Variants in NTNG2 observed in about 807,000 individuals in gnomAD.
NTNG2 encodes netrin-G2.
In NTNG2, 15 loss-of-function variants were observed where a neutral mutation model predicts 47.6. The ratio of observed to expected loss-of-function variants is 0.32; its 90% confidence interval spans 0.21 to 0.49. NTNG2 has a LOEUF of 0.49. Among genes scored for constraint, NTNG2 ranks in the 20% least tolerant of loss-of-function variants. NTNG2 has a pLI of 0.99. For missense variants in NTNG2, 578 were observed against 764.6 expected, an observed-to-expected ratio of 0.76 and a Z score of 2.88; for synonymous variants, 307 against 324.6, an observed-to-expected ratio of 0.95 and a Z score of 0.58.
rs951900784 is a variant in NTNG2, at chr9:132,226,310, C to T, written c.858-539C>T. On this transcript the variant is annotated intron_variant, in intron 3 of 7. Transcript: ENST00000393229. This position sits in a 1 kb window ranked among gnomAD's most constrained non-coding sequence, Gnocchi z 4.8. ...AATAATACACCTGTGAATGAACTGA[C>T]GGGGGTGTGGGAGTTGGGGGTTCTA... 6.6e-6 allele frequency among the ~76,000 whole-genome samples: 1 copy of T among 152,086 alleles called. No individual in the cohort carries two copies. Among genetic ancestry groups the T allele is most frequent in the African/African-American group, 2.4e-5 (1 of 41,398 alleles).
rs190911451 is a variant in NTNG2, at chr9:132,176,924, T to C, written c.213+9880T>C. On this transcript the variant is annotated intron_variant, in intron 2 of 7. Transcript: ENST00000393229. ...TGTGGGGCAGTATCCCATTATGGTC[T>C]TGATTTGCATTTCCCCGATAGCTAA... Among the ~76,000 whole-genome samples the C allele has an allele frequency of 4.6e-3, 699 of 152,358 alleles. 5 individuals are homozygous for C. The highest frequency in any genetic ancestry group is 7.1e-3 in the Non-Finnish European group (483 of 68,032).
intron 2 of NTNG2, among the ~76,000 whole-genome samples, chr9:132,195,128 T>G (rs1838182278): frequency 6.6e-6 from 1 of 152,222 alleles, no homozygotes; most frequent in African/African-American, 2.4e-5. Context: ...TTTCATTCAT[T>G]AATAGACTTT....
chr9:132,226,957 T>C lies in NTNG2; in HGVS notation c.966T>C (p.Asn322=). Residue 322 remains asparagine, a synonymous_variant, in exon 4 of 8, where the codon AAT becomes AAC. Transcript: ENST00000393229. The surrounding 1 kb of genome is among the most constrained non-coding windows in gnomAD (Gnocchi z 4.8). ...CCGACTGCGGCAAGTGCAAGAAGAATTTCCGCACCCGGTCCTGGCGGGCCG... is the reference window on the plus strand; with the variant it reads ...CCGACTGCGGCAAGTGCAAGAAGAACTTCCGCACCCGGTCCTGGCGGGCCG... ...TGPDCGKCKK[N]FRTRSWRAGS... is the part of the protein sequence containing the mutation. 7 of 1,612,294 alleles carry C rather than the reference T, an allele frequency of 4.3e-6. No homozygotes were observed. The highest frequency in any genetic ancestry group is 5.9e-6 in the Non-Finnish European group (7 of 1,179,698).
In NTNG2 at chr9:132,181,168, C is replaced by G. The variant is rs147571018; in HGVS notation, c.213+14124C>G. 1.4e-4 allele frequency among the ~76,000 whole-genome samples: 22 copies of G among 152,200 alleles called. 1 individual carries two copies. The highest frequency in any genetic ancestry group is 1.4e-3 in the Admixed American group (21 of 15,298). ...AAGCAGTCTTGGCTCACTGCAGCCTCGACCTCCTGGGCTCCAGTGATCCTC... is the reference window on the plus strand; with the variant it reads ...AAGCAGTCTTGGCTCACTGCAGCCTGGACCTCCTGGGCTCCAGTGATCCTC... On this transcript the variant is annotated intron_variant, in intron 2 of 7. Transcript: ENST00000393229.
Position 132,242,041 on chromosome 9 carries a change from C to T in NTNG2, c.1523C>T (p.Ala508Val). The change falls in exon 8 of 8, where the codon GCC becomes GTC. Residue 508 changes from alanine to valine, a missense_variant. Transcript: ENST00000393229. The surrounding 1 kb of genome is among the most constrained non-coding windows in gnomAD (Gnocchi z 5.9). ...CTGGACTGCGACCGCGCGCCCGGGG[C>T]CGCCCCGCGCCCCGCCACCCTGCTC... is the stretch of plus-strand genomic sequence containing the variant. Reference protein sequence around the residue: ...GGLDCDRAPGAAPRPATLLGC... With the variant: ...GGLDCDRAPGVAPRPATLLGC... 1 of 1,279,472 alleles carries T rather than the reference C, an allele frequency of 7.8e-7. No homozygotes were observed. Among genetic ancestry groups the T allele is most frequent in the Non-Finnish European group, 9.8e-7 (1 of 1,017,070 alleles). 79.3% of individuals were successfully genotyped at this position (1,279,472 alleles called of 1,614,324 possible).
At chr9:132,223,020 G>A (rs1840455902) in intron 3 of NTNG2, among the ~76,000 whole-genome samples, 1 of 152,208 alleles carries the variant, frequency 6.6e-6, no homozygotes, top group African/African-American at 2.4e-5. Context: ...AGGCTGAGGA[G>A]GGAGGATTGC....
At position 132,242,386 on chromosome 9, in the gene NTNG2, T is replaced by A; in HGVS notation, c.*275T>A. ...AGTTCCTTTTTTGTCTTTCTCTCTC[T>A]CTCTTTTTTTTTTTTTTTTTCTGGC... On this transcript the variant is annotated 3_prime_UTR_variant, in exon 8 of 8. Coordinates refer to ENST00000393229, the MANE Select transcript of NTNG2 (RefSeq NM_032536.4). This position sits in a 1 kb window ranked among gnomAD's most constrained non-coding sequence, Gnocchi z 5.9. 6.9e-6 allele frequency: 1 copy of A among 145,958 alleles called. No homozygotes were observed. The highest frequency in any genetic ancestry group is 1.4e-5 in the Non-Finnish European group (1 of 69,762). 9.0% of individuals were successfully genotyped at this position (145,958 alleles called of 1,614,324 possible).
In NTNG2 at chr9:132,239,284, G is replaced by A. The variant is rs377012651; in HGVS notation, c.1222+13G>A. The stretch of plus-strand genomic sequence containing the variant: ...AACGTCTGCATTGGTGAGAGGGCAC[G>A]GACACGGCACAGGGAACTTGCTGGA... On this transcript the variant is annotated intron_variant, in intron 6 of 7. Coordinates refer to ENST00000393229, the MANE Select transcript of NTNG2 (RefSeq NM_032536.4). The A allele has an allele frequency of 5.2e-5, 84 of 1,613,180 alleles. No individual in the cohort carries two copies. In the African/African-American group the frequency reaches 5.9e-4, roughly 11 times the overall value.
intron 3 of NTNG2, among the ~76,000 whole-genome samples, chr9:132,203,245 C>T (rs1166814478): frequency 6.6e-6 from 1 of 151,990 alleles, no homozygotes; most frequent in South Asian, 2.1e-4. Flanking sequence ...GAGGCTGAGG[C>T]AGAAGGATTA....
At chr9:132,194,511 C>A (rs959191364) in intron 2 of NTNG2, among the ~76,000 whole-genome samples, 6 of 152,218 alleles carry the variant, frequency 3.9e-5, no homozygotes, top group East Asian at 1.9e-4. Flanking sequence ...GGAACCCCCC[C>A]GCCCCATGTC....
chr9:132,202,731 C>T (rs1838870177), intron 3 of NTNG2, among the ~76,000 whole-genome samples: 1 of 152,218 alleles, frequency 6.6e-6, no homozygotes, highest in Non-Finnish European at 1.5e-5. Flanking sequence ...AAACCTGACC[C>T]AGCATCTCAC....
Position 132,162,765 on chromosome 9 carries a change from C to T in NTNG2, c.-484+526C>T, listed in dbSNP as rs1210886225. ...TCCCATCTCTCTGCAAACTGGGAGC[C>T]TGTGAGTTGCACAGAGAAACTCCCG... On this transcript the variant is annotated intron_variant, in intron 1 of 7. Transcript: ENST00000393229. The surrounding 1 kb of genome is among the most constrained non-coding windows in gnomAD (Gnocchi z 4.6). Among the ~76,000 whole-genome samples the T allele has an allele frequency of 2.0e-5, 3 of 151,990 alleles. No homozygotes were observed. Among genetic ancestry groups the T allele is most frequent in the African/African-American group, 4.8e-5 (2 of 41,390 alleles).
At chr9:132,181,842 G>A (rs979569784) in intron 2 of NTNG2, among the ~76,000 whole-genome samples, 2 of 152,268 alleles carry the variant, frequency 1.3e-5, no homozygotes. Flanking sequence ...AGTAGAGGAG[G>A]CTGGCACCTC....
chr9:132,237,788 G>T (rs1171353499), intron 5 of NTNG2, among the ~76,000 whole-genome samples: 1 of 152,172 alleles, frequency 6.6e-6, no homozygotes, highest in Non-Finnish European at 1.5e-5. Context: ...AGCCCATCCC[G>T]GCTCCCCTGG....
At chr9:132,209,456 C>T (rs993330482) in intron 3 of NTNG2, among the ~76,000 whole-genome samples, 8 of 152,192 alleles carry the variant, frequency 5.3e-5, no homozygotes, top group African/African-American at 7.2e-5. Context: ...AGAGGAGAGC[C>T]GGGGAGCCGG....
At chr9:132,169,080 C>G (rs977320777) in intron 2 of NTNG2, among the ~76,000 whole-genome samples, 2 of 152,238 alleles carry the variant, frequency 1.3e-5, no homozygotes, top group African/African-American at 4.8e-5. Flanking sequence ...CAGCCAGCCT[C>G]AAGCCCTGGG....
In NTNG2 at chr9:132,198,018, C is replaced by T. The variant is rs762881041; in HGVS notation, c.266C>T (p.Ala89Val). ...TGTGACGCCTCCAACCCGGACCTGG[C>T]CCACCCGCCCAGGCTCATGTTCGAC... is the stretch of plus-strand genomic sequence containing the variant. ...NECDASNPDL[A>V]HPPRLMFDKE... Residue 89 changes from alanine (A) to valine (V), a missense_variant, in exon 3 of 8, where the codon GCC (alanine) becomes GTC (valine). By Grantham distance (64) the Ala-to-Val change is moderately conservative. Transcript: ENST00000393229. 20 of 1,613,472 alleles carry T rather than the reference C, an allele frequency of 1.2e-5. No homozygotes were observed. In the South Asian group the frequency reaches 2.0e-4, roughly 16 times the overall value.
At chr9:132,190,144 A>C (rs995649568) in intron 2 of NTNG2, among the ~76,000 whole-genome samples, 1 of 145,764 alleles carries the variant, frequency 6.9e-6, no homozygotes, top group African/African-American at 2.5e-5. Flanking sequence ...GAGGCAGGAG[A>C]ATGGTGTGAA....
rs532088568 is a variant in NTNG2, at chr9:132,229,377, G to T, written c.1031-1195G>T. Among the ~76,000 whole-genome samples the T allele has an allele frequency of 9.9e-5, 15 of 152,124 alleles. No individual in the cohort carries two copies. In the South Asian group the frequency reaches 3.1e-3, roughly 32 times the overall value. On this transcript the variant is annotated intron_variant, in intron 4 of 7. Coordinates refer to ENST00000393229, the MANE Select transcript of NTNG2 (RefSeq NM_032536.4). The stretch of plus-strand genomic sequence containing the variant: ...TGACTGGAGACCCTCCTCCCGCCAC[G>T]TTCTTTGAACTTCCCTCCATCCGCT...
Sources: gnomAD v4.1 joint callset for allele counts (sites outside exome capture counted in the v4.1 genomes callset) on GRCh38, gnomAD v4.1.1 for gene constraint, Gnocchi (gnomAD v3.1) non-coding constraint, MANE v1.5 for transcripts, NCBI Gene and HGNC (gene_info 2026-07-23, HGNC 2026-07-21) for gene names.